RYR3: variants seen among roughly 807,000 people sequenced by gnomAD.
RYR3 encodes ryanodine receptor 3.
In RYR3, 207 loss-of-function variants were observed where a neutral mutation model predicts 584.3. The observed-to-expected ratio is 0.35, with a 90% CI of 0.32 to 0.40. The LOEUF is 0.40. Among genes scored for constraint, RYR3 ranks in the 10% least tolerant of loss-of-function variants. RYR3 has a pLI of 1.00. For synonymous variants in RYR3, 2,416 were observed against 2,248.5 expected, an observed-to-expected ratio of 1.07 and a Z score of -2.11; for missense variants, 5,616 against 6,089.2, an observed-to-expected ratio of 0.92 and a Z score of 2.59.
chr15:33,619,061 C>A (rs1397933952), intron 19 of RYR3, among the ~76,000 whole-genome samples: 1 of 152,180 alleles, frequency 6.6e-6, no homozygotes, highest in African/African-American at 2.4e-5. Context: ...TACTCCCAGG[C>A]AGCTCTTACT....
chr15:33,361,611 A>G (rs1974776794), intron 1 of RYR3, among the ~76,000 whole-genome samples: 1 of 152,206 alleles, frequency 6.6e-6, no homozygotes, highest in Non-Finnish European at 1.5e-5. Flanking sequence ...AGTGTAAAAT[A>G]GGGGCTAAAT....
intron 2 of RYR3, among the ~76,000 whole-genome samples, chr15:33,491,288 C>T (rs921209382): frequency 3.3e-5 from 5 of 152,168 alleles, no homozygotes; most frequent in Non-Finnish European, 5.9e-5. Flanking sequence ...TCCTAGGTTT[C>T]CGGTTGCTAT....
Position 33,841,916 on chromosome 15 carries a change from T to C in RYR3, c.13090T>C (p.Tyr4364His). ...AGACAAAGAAGAGGAGCAAGCTGAG[T>C]ACCTGTGGACAGAAGTGACAAAAAA... ...DKDKEEEQAE[Y>H]LWTEVTKKKK... The change falls in exon 91 of 104, where the codon TAC (tyrosine) becomes CAC (histidine). Residue 4364 changes from tyrosine (Y) to histidine (H), a missense_variant. Physicochemically the swap from Tyr to His is moderately conservative, Grantham distance 83. Transcript: ENST00000634891. 1.3e-6 allele frequency: 2 copies of C among 1,597,684 alleles called. No individual in the cohort carries two copies. Among genetic ancestry groups the C allele is most frequent in the African/African-American group, 2.7e-5 (2 of 74,690 alleles).
At chr15:33,677,142 C>T (rs2064236098) in intron 38 of RYR3, among the ~76,000 whole-genome samples, 1 of 151,948 alleles carries the variant, frequency 6.6e-6, no homozygotes, top group Non-Finnish European at 1.5e-5. Context: ...AAGAAAAAGG[C>T]CAAGATCTGA....
intron 28 of RYR3, among the ~76,000 whole-genome samples, chr15:33,645,498 T>A (rs776113679): frequency 3.9e-5 from 6 of 152,148 alleles, no homozygotes; most frequent in Non-Finnish European, 5.9e-5. Context: ...AGTAGAGACT[T>A]TTCTCTCTCT....
At chr15:33,443,952 A>G (rs1328791138) in intron 1 of RYR3, among the ~76,000 whole-genome samples, 1 of 152,208 alleles carries the variant, frequency 6.6e-6, no homozygotes, top group Non-Finnish European at 1.5e-5. Flanking sequence ...ATATTGCAGG[A>G]GGCAGCCACC....
chr15:33,690,457 C>T (rs1383338068), intron 38 of RYR3, among the ~76,000 whole-genome samples: 1 of 152,224 alleles, frequency 6.6e-6, no homozygotes, highest in Non-Finnish European at 1.5e-5. Context: ...GTGTCTTACT[C>T]TTCTTATATG....
chr15:33,652,586 A>T, intron 31 of RYR3, 132 bp from the exon 32 acceptor site: 2 of 887,276 alleles, frequency 2.3e-6, no homozygotes, highest in South Asian at 3.4e-5. Flanking sequence ...AGGAAAAAAA[A>T]GTATTTGGGG....
rs11857948 is a variant in RYR3 at position 33,857,941 on chromosome 15, G to A, written c.14142+27G>A. On this transcript the variant is annotated intron_variant, in intron 99 of 103. Transcript: ENST00000634891. ...TGAGAGCCCACCCACTGCGGGGCCAGCCCACCCACTGCGGGGCCACCCCGC... is the reference window on the plus strand; with the variant it reads ...TGAGAGCCCACCCACTGCGGGGCCAACCCACCCACTGCGGGGCCACCCCGC... 13 of 1,439,810 alleles carry A rather than the reference G, an allele frequency of 9.0e-6. No individual in the cohort carries two copies. In the Admixed American group the frequency reaches 2.3e-4, roughly 26 times the overall value. 89.2% of individuals were successfully genotyped at this position (1,439,810 alleles called of 1,614,324 possible). A position where few individuals can be genotyped will look rare whatever the true frequency, so the allele number is the denominator to read the frequency against.
chr15:33,436,297 G>A (rs1260666888), intron 1 of RYR3, among the ~76,000 whole-genome samples: 2 of 151,894 alleles, frequency 1.3e-5, no homozygotes, highest in African/African-American at 4.8e-5. Flanking sequence ...TCAAGGTTGA[G>A]CATCTTTTTC....
At chr15:33,338,949 A>C (rs1971471652) in intron 1 of RYR3, among the ~76,000 whole-genome samples, 1 of 152,234 alleles carries the variant, frequency 6.6e-6, no homozygotes, top group African/African-American at 2.4e-5. Flanking sequence ...AAAGGAAAGC[A>C]AGAGACTGAC....
At chr15:33,327,307 G>T (rs928682506) in intron 1 of RYR3, among the ~76,000 whole-genome samples, 7 of 152,200 alleles carry the variant, frequency 4.6e-5, no homozygotes, top group Admixed American at 2.6e-4. Flanking sequence ...ACCTCACACT[G>T]TTAAGTGTGT....
intron 1 of RYR3, among the ~76,000 whole-genome samples, chr15:33,449,342 C>T (rs749194556): frequency 2.6e-5 from 4 of 152,142 alleles, no homozygotes; most frequent in Non-Finnish European, 2.9e-5. Context: ...CAGTGGATTC[C>T]ACAGTGATCA....
chr15:33,790,031 A>G (rs1340326086), intron 67 of RYR3, among the ~76,000 whole-genome samples: 5 of 102,198 alleles, frequency 4.9e-5, no homozygotes, highest in African/African-American at 2.2e-4. Context: ...TCACTCTGTC[A>G]CCCAGGCTGG....
chr15:33,432,694 G>GTGTGTGTGTGTGTGTA (rs1243653764), intron 1 of RYR3, among the ~76,000 whole-genome samples: 6 of 149,038 alleles, frequency 4.0e-5, no homozygotes, highest in African/African-American at 1.5e-4. Flanking sequence ...GTGTGTGTGT[G>GTGTGTGTGTGTGTGTA]TGTTTAAAGT....
At position 33,860,905 on chromosome 15, in the gene RYR3, C is replaced by CTACTGAGTGAATGACT. The variant is rs1172855089; in HGVS notation, c.14365-172_14365-157dup. The stretch of plus-strand genomic sequence containing the variant: ...CTAATCAGGAGCTAAGTGTATGGCA[C>CTACTGAGTGAATGACT]TACTGAGTGAATGACTAATAGCCAA... On this transcript the variant is annotated intron_variant, in intron 101 of 103. Transcript: ENST00000634891. Among the ~76,000 whole-genome samples, 5 of 120,796 alleles carry CTACTGAGTGAATGACT rather than the reference C, an allele frequency of 4.1e-5. No homozygotes were observed. The East Asian group carries it at 2.0e-3, about 49-fold the overall frequency. The allele number at this position is 120,796 out of a possible 152,430, so 79.2% of individuals were successfully genotyped here. A position where few individuals can be genotyped will look rare whatever the true frequency, so the allele number is the denominator to read the frequency against.
intron 90 of RYR3, 93 bp downstream of exon 90, chr15:33,840,976 G>T: frequency 1.8e-6 from 2 of 1,134,852 alleles, no homozygotes; most frequent in South Asian, 1.3e-5. Flanking sequence ...CCAGCACTTT[G>T]AGAGGCTGAG....
At chr15:33,624,468 G>A (rs1019957846) in intron 20 of RYR3, among the ~76,000 whole-genome samples, 2 of 152,186 alleles carry the variant, frequency 1.3e-5, no homozygotes, top group Non-Finnish European at 2.9e-5. Flanking sequence ...CTTAAATGGG[G>A]AGGGAGGGTC....
At chr15:33,862,000 G>A (rs114058074) in intron 102 of RYR3, among the ~76,000 whole-genome samples, 12 of 152,028 alleles carry the variant, frequency 7.9e-5, no homozygotes, top group South Asian at 4.2e-4. Context: ...CTTATTCTAC[G>A]GTAAAGCATT....
Sources: gnomAD v4.1 joint callset for allele counts (sites outside exome capture counted in the v4.1 genomes callset) on GRCh38, gnomAD v4.1.1 for gene constraint, MANE v1.5 for transcripts, NCBI Gene and HGNC (gene_info 2026-07-23, HGNC 2026-07-21) for gene names.